IGF1R: variants seen among roughly 807,000 people sequenced by gnomAD.
IGF1R encodes the protein insulin like growth factor 1 receptor.
A neutral mutation model predicts 144.6 loss-of-function variants in IGF1R; 44 were observed. The observed-to-expected ratio is 0.30, with a 90% confidence interval of 0.24 to 0.39. IGF1R has a LOEUF of 0.39. IGF1R is among the 10% of genes least tolerant of loss of function. The pLI is 1.00. For missense variants in IGF1R, 1,355 were observed against 1,833.7 expected (o/e 0.74, Z 4.77); for synonymous variants, 795 against 722.8 (o/e 1.10, Z -1.60).
chr15:98,789,591 T>A (rs1486120789), intron 2 of IGF1R, among the ~76,000 whole-genome samples: 1 of 152,234 alleles, frequency 6.6e-6, no homozygotes, highest in Non-Finnish European at 1.5e-5. Flanking sequence ...TGCCATTTCT[T>A]AATTATAATG....
At chr15:98,676,846 G>A (rs2053058608) in intron 1 of IGF1R, among the ~76,000 whole-genome samples, 1 of 152,088 alleles carries the variant, frequency 6.6e-6, no homozygotes, top group South Asian at 2.1e-4. Context: ...GTTATTTCTG[G>A]TTAATGAATG....
intron 2 of IGF1R, among the ~76,000 whole-genome samples, chr15:98,865,636 C>CT (rs1462704613): frequency 6.6e-6 from 1 of 152,146 alleles, no homozygotes; most frequent in Non-Finnish European, 1.5e-5. Flanking sequence ...TCTTTTAATT[C>CT]TTTAATTTTG....
chr15:98,897,044 G>A (rs573499669), intron 4 of IGF1R, 139 bp downstream of exon 4: 14 of 769,214 alleles, frequency 1.8e-5, no homozygotes, highest in African/African-American at 5.2e-5. Context: ...CACGCATGAC[G>A]TCTCTTCTTT....
At position 98,908,616 on chromosome 15, in the gene IGF1R, C is replaced by G. The variant is rs937386847; in HGVS notation, c.1248-69C>G. 1.6e-5 allele frequency: 19 copies of G among 1,165,836 alleles called. No homozygotes were observed. In the South Asian group the frequency reaches 2.2e-4, roughly 13 times the overall value. The allele number at this position is 1,165,836 out of a possible 1,614,324, so 72.2% of individuals were successfully genotyped here. A position where few individuals can be genotyped will look rare whatever the true frequency, so the allele number is the denominator to read the frequency against. ...CAGGTGGCAAAGAGGACCTGTGTTA[C>G]GTGGCCAGCAGGCTAGAGGGGACTG... On this transcript the variant is annotated intron_variant, in intron 5 of 20. Transcript: ENST00000650285.
intron 2 of IGF1R, among the ~76,000 whole-genome samples, chr15:98,756,001 A>C (rs1314544427): frequency 6.6e-6 from 1 of 152,142 alleles, no homozygotes; most frequent in Non-Finnish European, 1.5e-5. Context: ...TCATCTTTGC[A>C]TTCCTGGAAT....
intron 2 of IGF1R, among the ~76,000 whole-genome samples, chr15:98,869,035 C>A (rs1236913373): frequency 6.6e-6 from 1 of 152,088 alleles, no homozygotes; most frequent in African/African-American, 2.4e-5. Context: ...CAGCCAGAGG[C>A]CTCTGGTTCA....
In IGF1R at chr15:98,649,639, T is replaced by C. The variant is rs775802966; in HGVS notation, c.58T>C (p.Ser20Pro). 2.5e-6 allele frequency: 4 copies of C among 1,609,520 alleles called. No homozygotes were observed. In the African/African-American group the frequency reaches 4.0e-5, roughly 16 times the overall value. ...CTCGCTGTGGGGGCTCCTGTTTCTCTCCGCCGCGCTCTCGCTCTGGCCGAC... is the reference window on the plus strand; with the variant it reads ...CTCGCTGTGGGGGCTCCTGTTTCTCCCCGCCGCGCTCTCGCTCTGGCCGAC... ...PTSLWGLLFL[S>P]AALSLWPTSG... The change falls in exon 1 of 21, where the codon TCC (serine) becomes CCC (proline). Residue 20 changes from serine (S) to proline (P), a missense_variant. Physicochemically the swap from Ser to Pro is moderately conservative, Grantham distance 74. Transcript: ENST00000650285.
chr15:98,755,005 T>C lies in IGF1R; in HGVS notation c.640+46898T>C, dbSNP rs45437993. 7.7e-3 allele frequency among the ~76,000 whole-genome samples: 1,171 copies of C among 152,320 alleles called. 21 individuals are homozygous for C. Among genetic ancestry groups the C allele is most frequent in the African/African-American group, 0.027 (1,112 of 41,564 alleles). ...TTATCGAAACAGATATATATGTGTA[T>C]ATCTGGTCTCTTTAAAATTCTCTTT... On this transcript the variant is annotated intron_variant, in intron 2 of 20. Coordinates refer to ENST00000650285, the MANE Select transcript of IGF1R (RefSeq NM_000875.5).
At chr15:98,896,734 A>ATT in intron 3 of IGF1R, 23 bp from the exon 4 acceptor site, 2 of 1,542,982 alleles carry the variant, frequency 1.3e-6, no homozygotes, top group Non-Finnish European at 8.9e-7. Flanking sequence ...TGTGTTTTTG[A>ATT]TTTTTTTTTT....
intron 1 of IGF1R, among the ~76,000 whole-genome samples, chr15:98,667,826 A>G (rs1390481003): frequency 1.3e-5 from 2 of 152,004 alleles, no homozygotes; most frequent in African/African-American, 4.8e-5. Context: ...GCAAACCCGA[A>G]TGACCACTCT....
At chr15:98,855,155 T>C (rs2715438) in intron 2 of IGF1R, among the ~76,000 whole-genome samples, 28,632 of 152,186 alleles carry the variant, frequency 0.19, 3,585 homozygotes, top group East Asian at 0.43. Flanking sequence ...CAGTCATCTT[T>C]TCCTCCTGTG....
chr15:98,740,658 G>C (rs2054716479), intron 2 of IGF1R, among the ~76,000 whole-genome samples: 1 of 152,226 alleles, frequency 6.6e-6, no homozygotes, highest in Admixed American at 6.5e-5. Context: ...TACCATATCT[G>C]TAGGGCACAG....
chr15:98,884,916 G>A (rs1420140867), intron 2 of IGF1R, among the ~76,000 whole-genome samples: 1 of 152,026 alleles, frequency 6.6e-6, no homozygotes, highest in Non-Finnish European at 1.5e-5. Flanking sequence ...CCCTACCTCA[G>A]GGCACACCAT....
In IGF1R at chr15:98,701,437, T is replaced by C. The variant is rs181871187; in HGVS notation, c.95-6125T>C. On this transcript the variant is annotated intron_variant, in intron 1 of 20. Coordinates refer to ENST00000650285, the MANE Select transcript of IGF1R (RefSeq NM_000875.5). ...CTGCAAGCTCCGCCTCCCGGGTTCA[T>C]GCCATTCTCCTGCCTCAGCCTCCCA... Among the ~76,000 whole-genome samples the C allele has an allele frequency of 6.8e-3, 999 of 147,326 alleles. 12 individuals are homozygous for C. The highest frequency in any genetic ancestry group is 0.024 in the African/African-American group (952 of 39,324).
Position 98,920,205 on chromosome 15 carries a change from C to A in IGF1R, c.2202-1943C>A, listed in dbSNP as rs564943794. 1.4e-4 allele frequency among the ~76,000 whole-genome samples: 21 copies of A among 152,146 alleles called. No individual in the cohort carries two copies. The South Asian group carries it at 4.4e-3, about 32-fold the overall frequency. ...GCAGTAATGTTTGCTTTTGGGCGTA[C>A]GATTTGGAAATGTAGTTGTTTACCA... On this transcript the variant is annotated intron_variant, in intron 10 of 20. Coordinates refer to ENST00000650285, the MANE Select transcript of IGF1R (RefSeq NM_000875.5).
At chr15:98,824,833 TTTC>T (rs150954000) in intron 2 of IGF1R, among the ~76,000 whole-genome samples, 372 of 151,914 alleles carry the variant, frequency 2.4e-3, no homozygotes, top group African/African-American at 8.3e-3. Flanking sequence ...TTTTTTAACT[TTTC>T]TTCTTCTTTT....
At position 98,880,986 on chromosome 15, in the gene IGF1R, G is replaced by C. The variant is rs1329087766; in HGVS notation, c.641-10339G>C. On this transcript the variant is annotated intron_variant, in intron 2 of 20. Transcript: ENST00000650285. Reference sequence around the variant, plus strand: ...TTAGTAATGAGATTAGATAATGAGAGTGTATTTTCTTCATCAATTCATGTA... The same window carrying C: ...TTAGTAATGAGATTAGATAATGAGACTGTATTTTCTTCATCAATTCATGTA... 3 of 152,118 alleles carry C rather than the reference G, an allele frequency of 2.0e-5. No homozygotes were observed. In the East Asian group the frequency reaches 5.8e-4, roughly 29 times the overall value. 9.4% of individuals were successfully genotyped at this position (152,118 alleles called of 1,614,324 possible).
intron 2 of IGF1R, among the ~76,000 whole-genome samples, chr15:98,728,590 G>C (rs969741389): frequency 6.6e-6 from 1 of 152,262 alleles, no homozygotes; most frequent in Admixed American, 6.5e-5. Flanking sequence ...AAGAGGCTGA[G>C]CTCAAGCAGG....
intron 1 of IGF1R, among the ~76,000 whole-genome samples, chr15:98,656,258 C>G (rs1322317597): frequency 1.3e-5 from 2 of 152,220 alleles, no homozygotes; most frequent in Admixed American, 6.5e-5. Context: ...GCCTACCTTA[C>G]TGCTCACCTG....
Sources: allele counts gnomAD v4.1 joint callset (sites outside exome capture counted in the v4.1 genomes callset), GRCh38; gene constraint gnomAD v4.1.1; transcripts MANE v1.5; gene names NCBI Gene and HGNC (gene_info 2026-07-23, HGNC 2026-07-21).